ZFPM1: variants seen among roughly 807,000 people sequenced by gnomAD.
ZFPM1 encodes zinc finger protein ZFPM1.
In ZFPM1, 28 loss-of-function variants were observed where a neutral mutation model predicts 46.3. The observed-to-expected ratio is 0.60, with a 90% CI of 0.45 to 0.83. The LOEUF is 0.83. Ranked by LOEUF, ZFPM1 falls within the 40% of genes least tolerant of loss-of-function variation. The pLI is 0.00. For synonymous variants in ZFPM1, 957 were observed against 675.9 expected (o/e 1.42, Z -6.45); for missense variants, 1,878 against 1,432.4 (o/e 1.31, Z -5.02).
chr16:88,500,413 G>A (rs900747049), intron 3 of ZFPM1, among the ~76,000 whole-genome samples: 1 of 152,236 alleles, frequency 6.6e-6, no homozygotes, highest in African/African-American at 2.4e-5. Flanking sequence ...CGTGTCGCTG[G>A]CAGCTGCTGC....
chr16:88,472,624 T>A (rs1908478661), intron 1 of ZFPM1, among the ~76,000 whole-genome samples: 1 of 152,210 alleles, frequency 6.6e-6, no homozygotes, highest in Non-Finnish European at 1.5e-5. Context: ...AGTGCTGGGA[T>A]TACAAGCGTG....
At position 88,533,336 on chromosome 16, in the gene ZFPM1, A is replaced by C; in HGVS notation, c.1378A>C (p.Arg460=). 6.5e-7 allele frequency: 1 copy of C among 1,532,596 alleles called. No individual in the cohort carries two copies. The highest frequency in any genetic ancestry group is 2.0e-5 in the Admixed American group (1 of 50,402). 94.9% of individuals were successfully genotyped at this position (1,532,596 alleles called of 1,614,324 possible). A position where few individuals can be genotyped will look rare whatever the true frequency, so the allele number is the denominator to read the frequency against. ...GGSSEPPAAP[R]SIKVEAVEEP... ...CAGCAGCGAGCCCCCGGCGGCCCCC[A>C]GGAGCATCAAGGTGGAGGCGGTGGA... The change falls in exon 10 of 10, where the codon AGG becomes CGG. Residue 460 remains arginine (R), a synonymous_variant. Transcript: ENST00000319555.
intron 1 of ZFPM1, among the ~76,000 whole-genome samples, chr16:88,456,397 A>G (rs1907563240): frequency 1.3e-5 from 2 of 150,756 alleles, no homozygotes; most frequent in African/African-American, 4.9e-5. Context: ...GTTTTCTTGA[A>G]AAAAAAAAAA....
Position 88,533,210 on chromosome 16 carries a change from C to T in ZFPM1, c.1252C>T (p.Leu418=), listed in dbSNP as rs753046806. The T allele has an allele frequency of 6.4e-7, 1 of 1,556,884 alleles. No individual in the cohort carries two copies. Among genetic ancestry groups the T allele is most frequent in the East Asian group, 2.3e-5 (1 of 43,352 alleles). Residue 418 remains leucine, a synonymous_variant, in exon 10 of 10, where the codon CTG becomes TTG. Coordinates refer to ENST00000319555, the MANE Select transcript of ZFPM1 (RefSeq NM_153813.3). ...ALQGPLASAD[L]GLAPTPSPGL... ...GCAAGGCCCCCTGGCCTCCGCGGAC[C>T]TGGGCCTGGCGCCCACCCCATCGCC...
At chr16:88,522,709 G>C (rs1232931724) in intron 4 of ZFPM1, among the ~76,000 whole-genome samples, 1 of 152,202 alleles carries the variant, frequency 6.6e-6, no homozygotes, top group East Asian at 1.9e-4. Flanking sequence ...CTGCTGGTGG[G>C]GCCGGCCAGG....
At chr16:88,479,200 C>T (rs907191325) in intron 1 of ZFPM1, among the ~76,000 whole-genome samples, 3 of 152,102 alleles carry the variant, frequency 2.0e-5, no homozygotes, top group African/African-American at 7.2e-5. Context: ...GCCGGGCTCC[C>T]CACGCAGGTG....
intron 2 of ZFPM1, among the ~76,000 whole-genome samples, chr16:88,486,881 C>T (rs1258369800): frequency 6.6e-6 from 1 of 152,118 alleles, no homozygotes; most frequent in East Asian, 1.9e-4. Flanking sequence ...GTGGTGTCTC[C>T]TGCTAAGACA....
chr16:88,461,794 C>T (rs532870349), intron 1 of ZFPM1, among the ~76,000 whole-genome samples: 2 of 152,296 alleles, frequency 1.3e-5, no homozygotes, highest in East Asian at 1.9e-4. Context: ...ACCCCAGCCC[C>T]GGCTGTCCTC....
chr16:88,476,450 GC>G (rs1461141297), intron 1 of ZFPM1, among the ~76,000 whole-genome samples: 1 of 152,126 alleles, frequency 6.6e-6, no homozygotes, highest in Admixed American at 6.5e-5. Flanking sequence ...TGGCAGGGCG[GC>G]CATCGTGGGA....
chr16:88,461,869 G>A (rs1291732011), intron 1 of ZFPM1, among the ~76,000 whole-genome samples: 1 of 152,202 alleles, frequency 6.6e-6, no homozygotes, highest in Non-Finnish European at 1.5e-5. Flanking sequence ...CATTTTACAG[G>A]AGAGAAACGG....
At position 88,533,378 on chromosome 16, in the gene ZFPM1, C is replaced by A; in HGVS notation, c.1420C>A (p.Pro474Thr). Residue 474 changes from proline to threonine, a missense_variant, in exon 10 of 10, where the codon CCC becomes ACC. By Grantham distance (38) the Pro-to-Thr change is conservative. Transcript: ENST00000319555. ...VEAVEEPEAA[P>T]ILGPGEPGPQ... ...GGCGGTGGAGGAGCCGGAGGCGGCC[C>A]CCATCCTGGGCCCCGGAGAGCCTGG... is the stretch of plus-strand genomic sequence containing the variant. 3 of 1,528,092 alleles carry A rather than the reference C, an allele frequency of 2.0e-6. No homozygotes were observed. Among genetic ancestry groups the A allele is most frequent in the Non-Finnish European group, 2.6e-6 (3 of 1,143,340 alleles). The allele number at this position is 1,528,092 out of a possible 1,614,324, so 94.7% of individuals were successfully genotyped here.
intron 1 of ZFPM1, among the ~76,000 whole-genome samples, chr16:88,475,308 G>C (rs1908625854): frequency 1.3e-5 from 2 of 152,224 alleles, no homozygotes; most frequent in South Asian, 4.1e-4. Context: ...GGCACACACA[G>C]GGACCATGGT....
chr16:88,468,054 G>A (rs1179214205), intron 1 of ZFPM1, among the ~76,000 whole-genome samples: 7 of 29,668 alleles, frequency 2.4e-4, no homozygotes, highest in Non-Finnish European at 2.1e-4. Context: ...TCACGCCCCC[G>A]CGAGCCCACC....
At chr16:88,462,266 G>T (rs535959117) in intron 1 of ZFPM1, among the ~76,000 whole-genome samples, 6 of 152,328 alleles carry the variant, frequency 3.9e-5, no homozygotes, top group South Asian at 4.1e-4. Flanking sequence ...GCTTCCGAGA[G>T]CTCAGGCCCT....
At chr16:88,525,175 G>A (rs186186387) in intron 4 of ZFPM1, among the ~76,000 whole-genome samples, 481 of 152,348 alleles carry the variant, frequency 3.2e-3, no homozygotes, top group African/African-American at 0.011. Flanking sequence ...GGGTCTGGTC[G>A]TGCCCTGCCC....
At chr16:88,494,921 G>T (rs1371129257) in intron 3 of ZFPM1, among the ~76,000 whole-genome samples, 2 of 152,216 alleles carry the variant, frequency 1.3e-5, no homozygotes, top group Non-Finnish European at 2.9e-5. Context: ...GGCAGGAGGC[G>T]GAGAGCTCCT....
chr16:88,456,976 C>T (rs1052983731), intron 1 of ZFPM1, among the ~76,000 whole-genome samples: 1 of 152,200 alleles, frequency 6.6e-6, no homozygotes, highest in African/African-American at 2.4e-5. Flanking sequence ...GCCCAGGCAG[C>T]TGCTGCAGCT....
intron 1 of ZFPM1, among the ~76,000 whole-genome samples, chr16:88,485,718 G>A (rs1909183542): frequency 6.6e-6 from 1 of 152,142 alleles, no homozygotes; most frequent in African/African-American, 2.4e-5. Context: ...GGGATCACAG[G>A]TGTGAGCCAC....
chr16:88,499,154 C>T (rs886500912), intron 3 of ZFPM1, among the ~76,000 whole-genome samples: 1 of 152,174 alleles, frequency 6.6e-6, no homozygotes, highest in Non-Finnish European at 1.5e-5. Flanking sequence ...TGGCTGACCT[C>T]CCGCACCCAC....
Sources: gnomAD v4.1 joint callset for allele counts (sites outside exome capture counted in the v4.1 genomes callset) on GRCh38, gnomAD v4.1.1 for gene constraint, MANE v1.5 for transcripts, NCBI Gene and HGNC (gene_info 2026-07-23, HGNC 2026-07-21) for gene names.